The following MCF2L2 variants were observed in gnomAD, a reference collection of about 807,000 sequenced individuals.
MCF2L2 encodes the protein MCF.2 cell line derived transforming sequence-like 2, also known as probable guanine nucleotide exchange factor MCF2L2.
A neutral mutation model predicts 150.2 loss-of-function variants in MCF2L2; 102 were observed. The observed-to-expected ratio is 0.68, with a 90% CI of 0.58 to 0.80. The LOEUF (loss-of-function observed/expected upper bound fraction) is 0.80. Among genes scored for constraint, MCF2L2 ranks in the 30% least tolerant of loss-of-function variants. The pLI is 0.00. For synonymous variants in MCF2L2, 465 were observed against 491.3 expected, an observed-to-expected ratio of 0.95 and a Z score of 0.71; for missense variants, 1,256 against 1,372.8, an observed-to-expected ratio of 0.91 and a Z score of 1.34.
chr3:183,386,619 A>G (rs1713846397), intron 2 of MCF2L2, among the ~76,000 whole-genome samples: 1 of 152,242 alleles, frequency 6.6e-6, no homozygotes. Flanking sequence ...AAATTGGTAG[A>G]AAATTTTGTA....
intron 1 of MCF2L2, among the ~76,000 whole-genome samples, chr3:183,390,901 C>CAAAAG (rs1450317513): frequency 4.5e-4 from 68 of 149,942 alleles, no homozygotes; most frequent in African/African-American, 1.7e-3. Flanking sequence ...TGTCTCAAAA[C>CAAAAG]AAAACAAAAC....
At chr3:183,204,463 GATAATA>G (rs3075571) in intron 25 of MCF2L2, among the ~76,000 whole-genome samples, 3 of 148,980 alleles carry the variant, frequency 2.0e-5, no homozygotes, top group South Asian at 2.1e-4. Flanking sequence ...GGATGGCAAT[GATAATA>G]ATAATAATAA....
chr3:183,297,767 T>C (rs1728611667), intron 11 of MCF2L2: 1 of 153,566 alleles, frequency 6.5e-6, no homozygotes, highest in Non-Finnish European at 1.4e-5. Flanking sequence ...GCTCAAGCAA[T>C]CCTCCCACCT....
At chr3:183,228,506 ATTGATTC>A in intron 17 of MCF2L2, 140 bp from the exon 18 acceptor site, 1 of 520,962 alleles carries the variant, frequency 1.9e-6, no homozygotes, top group Non-Finnish European at 3.4e-6. Context: ...TCTTCTACAC[ATTGATTC>A]AGAAAAAAAA....
intron 1 of MCF2L2, among the ~76,000 whole-genome samples, chr3:183,420,973 G>C (rs745997013): frequency 5.3e-5 from 8 of 150,528 alleles, no homozygotes; most frequent in Non-Finnish European, 1.2e-4. Context: ...CTGAATACAA[G>C]ATTCTTGGTT....
At chr3:183,264,434 A>ACGC in intron 15 of MCF2L2, among the ~76,000 whole-genome samples, 1 of 152,232 alleles carries the variant, frequency 6.6e-6, no homozygotes, top group Non-Finnish European at 1.5e-5. Context: ...TGTGGGAACT[A>ACGC]TGCTTTCATG....
Position 183,195,750 on chromosome 3 carries a change from TC to T in MCF2L2, c.2885-496del, listed in dbSNP as rs1432952118. 5.3e-5 allele frequency among the ~76,000 whole-genome samples: 8 copies of T among 152,036 alleles called. No homozygotes were observed. The East Asian group carries it at 1.5e-3, about 29-fold the overall frequency. Reference sequence around the variant, plus strand: ...GCCTCCCACAGCATAAAAGCCAAATTCCTCGGCCCGATATTTGAGGCCATCT... The same window carrying T: ...GCCTCCCACAGCATAAAAGCCAAATTCTCGGCCCGATATTTGAGGCCATCT... On this transcript the variant is annotated intron_variant, in intron 25 of 29. Transcript: ENST00000328913.
intron 3 of MCF2L2, among the ~76,000 whole-genome samples, chr3:183,365,387 G>C (rs1432867386): frequency 1.3e-5 from 2 of 152,114 alleles, no homozygotes; most frequent in Admixed American, 6.5e-5. Flanking sequence ...AGAAAAGAAG[G>C]CAAAGCTTAA....
intron 15 of MCF2L2, among the ~76,000 whole-genome samples, chr3:183,234,349 C>T (rs542603974): frequency 6.6e-6 from 1 of 152,282 alleles, no homozygotes; most frequent in East Asian, 1.9e-4. Context: ...GATCTATGAA[C>T]TTAAGAGACT....
At chr3:183,349,575 A>C (rs1163004923) in intron 3 of MCF2L2, among the ~76,000 whole-genome samples, 2 of 152,256 alleles carry the variant, frequency 1.3e-5, no homozygotes, top group African/African-American at 4.8e-5. Flanking sequence ...AACAACAATC[A>C]TTCTAGATAG....
Position 183,420,177 on chromosome 3 carries a change from C to T in MCF2L2, c.76+7725G>A, listed in dbSNP as rs138597180. 7.7e-3 allele frequency among the ~76,000 whole-genome samples: 1,166 copies of T among 152,302 alleles called. 13 individuals are homozygous for T. The highest frequency in any genetic ancestry group is 0.027 in the African/African-American group (1,113 of 41,564). On this transcript the variant is annotated intron_variant, in intron 1 of 29. Coordinates refer to ENST00000328913, the MANE Select transcript of MCF2L2 (RefSeq NM_015078.4). ...CACATCTTCCGGTCTTCTTCTGAGC[C>T]CTCCAAATTGTTCCAACCTCTGCCT...
In MCF2L2 at chr3:183,295,418, C is replaced by T. The variant is rs755179605; in HGVS notation, c.1557G>A (p.Arg519=). ...LDDVQEIFHK[R]QVSLMKLAAK... ...CTGCCAGTTTCATCAGACTCACTTG[C>T]CTCTTGTGAAATATTTCCTGGACAT... Residue 519 remains arginine, a synonymous_variant, in exon 13 of 30, where the codon AGG becomes AGA. Transcript: ENST00000328913. The T allele has an allele frequency of 6.2e-7, 1 of 1,614,072 alleles. No homozygotes were observed. The highest frequency in any genetic ancestry group is 1.1e-5 in the South Asian group (1 of 91,062).
chr3:183,202,314 A>G (rs556268424), intron 25 of MCF2L2, among the ~76,000 whole-genome samples: 2 of 152,342 alleles, frequency 1.3e-5, no homozygotes, highest in Admixed American at 1.3e-4. Flanking sequence ...ATTGGCTAAC[A>G]GTGGGGCAAA....
At chr3:183,346,147 T>C (rs1730889775) in intron 3 of MCF2L2, among the ~76,000 whole-genome samples, 1 of 152,184 alleles carries the variant, frequency 6.6e-6, no homozygotes, top group African/African-American at 2.4e-5. Context: ...ATATCCCTAA[T>C]GAACATCAAT....
Position 183,372,069 on chromosome 3 carries a change from G to A in MCF2L2, c.275+7228C>T, listed in dbSNP as rs529520083. ...ATCTTCTTTAGGAATAAAATGGGAGGCAGGTTTGTCTGATGCACTTCCCAG... is the reference window on the plus strand; with the variant it reads ...ATCTTCTTTAGGAATAAAATGGGAGACAGGTTTGTCTGATGCACTTCCCAG... On this transcript the variant is annotated intron_variant, in intron 3 of 29. Transcript: ENST00000328913. 4 of 151,598 alleles carry A rather than the reference G, an allele frequency of 2.6e-5. No homozygotes were observed. In the South Asian group the frequency reaches 8.3e-4, roughly 32 times the overall value. 9.4% of individuals were successfully genotyped at this position (151,598 alleles called of 1,614,324 possible). A position where few individuals can be genotyped will look rare whatever the true frequency, so the allele number is the denominator to read the frequency against.
At chr3:183,424,405 A>C (rs1452347830) in intron 1 of MCF2L2, among the ~76,000 whole-genome samples, 1 of 152,192 alleles carries the variant, frequency 6.6e-6, no homozygotes, top group Non-Finnish European at 1.5e-5. Context: ...GTTATCTACA[A>C]ATATTTTATA....
In MCF2L2 at chr3:183,362,443, A is replaced by C. The variant is rs75476392; in HGVS notation, c.275+16854T>G. The stretch of plus-strand genomic sequence containing the variant: ...TTTGGAGAAGAGATAATCTGTACTG[A>C]AAAAGAGTTCCAGAGCATCAGGGCA... On this transcript the variant is annotated intron_variant, in intron 3 of 29. Coordinates refer to ENST00000328913, the MANE Select transcript of MCF2L2 (RefSeq NM_015078.4). Among the ~76,000 whole-genome samples the C allele has an allele frequency of 4.0e-3, 609 of 152,268 alleles. 5 individuals are homozygous for C. The highest frequency in any genetic ancestry group is 0.013 in the African/African-American group (551 of 41,560).
In MCF2L2 at chr3:183,379,375, A is replaced by T. The variant is rs1344449821; in HGVS notation, c.197T>A (p.Phe66Tyr). Residue 66 changes from phenylalanine (F) to tyrosine (Y), a missense_variant, in exon 3 of 30, where the codon TTC becomes TAC. By Grantham distance (22) the Phe-to-Tyr change is conservative. Transcript: ENST00000328913. ...RGEDGAPIIT[F>Y]PEFSGFKHIP... The stretch of plus-strand genomic sequence containing the variant: ...GTGTTTGAACCCCGAAAACTCTGGG[A>T]ACGTGATGATGGGGGCGCCATCCTC... The T allele has an allele frequency of 4.3e-6, 7 of 1,610,856 alleles. No homozygotes were observed. The highest frequency in any genetic ancestry group is 1.6e-4 in the Middle Eastern group (1 of 6,078).
chr3:183,379,759 A>G lies in MCF2L2; in HGVS notation c.161-348T>C, dbSNP rs186674400. ...CAGTAAATGTCAAAAGTAATATTGC[A>G]TGGTGGTTAAGAGAGTTAACGCTAA... On this transcript the variant is annotated intron_variant, in intron 2 of 29. Transcript: ENST00000328913. 4.8e-3 allele frequency among the ~76,000 whole-genome samples: 733 copies of G among 152,318 alleles called. 4 individuals are homozygous for G. The highest frequency in any genetic ancestry group is 0.017 in the African/African-American group (711 of 41,586).
Sources: allele counts gnomAD v4.1 joint callset (sites outside exome capture counted in the v4.1 genomes callset), GRCh38; gene constraint gnomAD v4.1.1; transcripts MANE v1.5; gene names NCBI Gene and HGNC (gene_info 2026-07-23, HGNC 2026-07-21).